Variants in SYNE3 observed in about 807,000 individuals in gnomAD.
SYNE3 encodes the protein nesprin-3.
SYNE3 carries 100 observed loss-of-function variants against 111.2 expected under a neutral mutation model. The ratio of observed to expected loss-of-function variants is 0.90; its 90% CI spans 0.77 to 1.06. SYNE3 has a LOEUF of 1.06. Among genes scored for constraint, SYNE3 ranks in the 50% least tolerant of loss-of-function variants. The pLI, the probability that SYNE3 is intolerant of heterozygous loss-of-function variation, is 0.00. For missense variants in SYNE3, 1,160 were observed against 1,240.3 expected (o/e 0.94, Z 0.97); for synonymous variants, 547 against 533.9 (o/e 1.02, Z -0.34).
At chr14:95,469,041 G>T (rs559453912) in intron 2 of SYNE3, among the ~76,000 whole-genome samples, 1 of 152,156 alleles carries the variant, frequency 6.6e-6, no homozygotes, top group African/African-American at 2.4e-5. Context: ...CCATGAGCAC[G>T]CTGCCCAGCC....
intron 1 of SYNE3, among the ~76,000 whole-genome samples, chr14:95,512,412 G>A (rs570081923): frequency 6.6e-6 from 1 of 152,232 alleles, no homozygotes; most frequent in South Asian, 2.1e-4. Flanking sequence ...CCCTTAGCCA[G>A]GCATGGTGGC....
intron 2 of SYNE3, among the ~76,000 whole-genome samples, chr14:95,468,653 C>T (rs1301729505): frequency 6.6e-6 from 1 of 152,228 alleles, no homozygotes; most frequent in Non-Finnish European, 1.5e-5. Context: ...GCTCCTTCCT[C>T]CCTGCTCTTC....
intron 2 of SYNE3, among the ~76,000 whole-genome samples, chr14:95,474,043 G>T (rs10151611): frequency 1.6e-5 from 2 of 128,506 alleles, no homozygotes; most frequent in Admixed American, 7.6e-5. Context: ...GTGAGCTTGC[G>T]AGGTGTGACA....
chr14:95,503,422 A>G (rs1890413058), intron 1 of SYNE3, among the ~76,000 whole-genome samples: 1 of 152,122 alleles, frequency 6.6e-6, no homozygotes, highest in Non-Finnish European at 1.5e-5. Context: ...GTTCCTGCCT[A>G]TTTACAGATG....
At position 95,455,697 on chromosome 14, in the gene SYNE3, C is replaced by T. The variant is rs749983870; in HGVS notation, c.817G>A (p.Glu273Lys). 2.5e-6 allele frequency: 4 copies of T among 1,614,022 alleles called. No individual in the cohort carries two copies. The highest frequency in any genetic ancestry group is 2.2e-5 in the East Asian group (1 of 44,896). The change falls in exon 6 of 18, where the codon GAG becomes AAG. Residue 273 changes from glutamate to lysine, a missense_variant. Physicochemically the swap from Glu to Lys is moderately conservative, Grantham distance 56. Coordinates refer to ENST00000682763, the MANE Select transcript of SYNE3 (RefSeq NM_152592.6). ...TCCTCCAGCGTCTCCAGAGACTCCT[C>T]GCCCCTGGGAAAATCTTTGGCAATG... ...QDIAKDFPRG[E>K]ESLETLEEQS... is the part of the protein sequence containing the mutation.
chr14:95,483,846 T>C (rs1889397205), intron 1 of SYNE3, among the ~76,000 whole-genome samples: 2 of 152,296 alleles, frequency 1.3e-5, no homozygotes, highest in South Asian at 4.1e-4. Context: ...TAGGCATGGT[T>C]ACACAAGAAG....
intron 11 of SYNE3, among the ~76,000 whole-genome samples, chr14:95,441,173 C>A (rs1046492981): frequency 6.6e-6 from 1 of 152,214 alleles, no homozygotes; most frequent in Non-Finnish European, 1.5e-5. Context: ...CTACCATAGG[C>A]CCTGCCTTCT....
chr14:95,445,800 G>C, intron 9 of SYNE3, 109 bp downstream of exon 9: 1 of 1,240,170 alleles, frequency 8.1e-7, no homozygotes, highest in Non-Finnish European at 1.1e-6. Context: ...GGGCCACACA[G>C]TGGCAAGCGG....
intron 14 of SYNE3, 68 bp downstream of exon 14, chr14:95,438,965 G>A: frequency 6.3e-7 from 1 of 1,596,896 alleles, no homozygotes; most frequent in Non-Finnish European, 8.6e-7. Context: ...GCCTGTGCTG[G>A]AGACCCCTAC....
intron 11 of SYNE3, among the ~76,000 whole-genome samples, chr14:95,441,859 G>A (rs1488880925): frequency 6.6e-6 from 1 of 152,258 alleles, no homozygotes; most frequent in Non-Finnish European, 1.5e-5. Flanking sequence ...CAGTTGCTGC[G>A]ATAGAGGTGG....
intron 11 of SYNE3, among the ~76,000 whole-genome samples, chr14:95,441,109 C>T (rs528281573): frequency 1.3e-5 from 2 of 152,202 alleles, no homozygotes; most frequent in South Asian, 2.1e-4. Flanking sequence ...CAGGGCCTGC[C>T]GTTCCCATTC....
chr14:95,461,835 G>T (rs1041476570), intron 4 of SYNE3, among the ~76,000 whole-genome samples: 27 of 152,228 alleles, frequency 1.8e-4, no homozygotes, highest in African/African-American at 6.3e-4. Context: ...AGCAGGGACT[G>T]GGAGGCTGGG....
At chr14:95,501,688 G>A (rs977008370) in intron 1 of SYNE3, among the ~76,000 whole-genome samples, 16 of 152,214 alleles carry the variant, frequency 1.1e-4, no homozygotes, top group Non-Finnish European at 2.2e-4. Flanking sequence ...TGAGCTGAAG[G>A]GACAGTGGAG....
At chr14:95,447,845 C>A (rs1886810097) in intron 8 of SYNE3, among the ~76,000 whole-genome samples, 1 of 152,158 alleles carries the variant, frequency 6.6e-6, no homozygotes, top group African/African-American at 2.4e-5. Flanking sequence ...CAAATAGGTT[C>A]CCTGGCTCTG....
intron 2 of SYNE3, among the ~76,000 whole-genome samples, chr14:95,475,332 C>T (rs1347013602): frequency 6.6e-6 from 1 of 152,120 alleles, no homozygotes; most frequent in Admixed American, 6.6e-5. Context: ...GGGTGGGAAG[C>T]CCCCCAGCAA....
intron 2 of SYNE3, among the ~76,000 whole-genome samples, chr14:95,473,217 A>AC (rs1251503590): frequency 6.6e-6 from 1 of 151,756 alleles, no homozygotes; most frequent in Non-Finnish European, 1.5e-5. Context: ...CTGGACTCCC[A>AC]CCCCCTCGGG....
intron 15 of SYNE3, among the ~76,000 whole-genome samples, chr14:95,435,601 T>A (rs1344298900): frequency 1.3e-5 from 2 of 151,896 alleles, no homozygotes; most frequent in Non-Finnish European, 2.9e-5. Context: ...GTAACAAGTT[T>A]GGGAATTAAG....
At chr14:95,489,285 A>G (rs1319185664) in intron 1 of SYNE3, among the ~76,000 whole-genome samples, 1 of 152,150 alleles carries the variant, frequency 6.6e-6, no homozygotes, top group Non-Finnish European at 1.5e-5. Flanking sequence ...CCCATCTCCT[A>G]CAGGTCCCAG....
chr14:95,433,108 G>T (rs1244514748), intron 16 of SYNE3, 152 bp downstream of exon 16: 2 of 1,138,610 alleles, frequency 1.8e-6, no homozygotes, highest in African/African-American at 1.6e-5. Flanking sequence ...ACCCATGAGT[G>T]TCCCTGTCCT....
Sources: allele counts gnomAD v4.1 joint callset (sites outside exome capture counted in the v4.1 genomes callset), GRCh38; gene constraint gnomAD v4.1.1; transcripts MANE v1.5; gene names NCBI Gene and HGNC (gene_info 2026-07-23, HGNC 2026-07-21).